The following SLC25A48 variants were observed in gnomAD, a reference collection of about 807,000 sequenced individuals.
The protein encoded by SLC25A48 is solute carrier family 25 member 48.
In SLC25A48, 29 loss-of-function variants were observed where a neutral mutation model predicts 32.2. That is an observed-to-expected ratio of 0.90 (90% confidence interval 0.67 to 1.23). The LOEUF is 1.23. Ranked by LOEUF, SLC25A48 falls within the 50% of genes most tolerant of loss-of-function variation. SLC25A48 has a pLI of 0.00. For missense variants in SLC25A48, 399 were observed against 422.7 expected (o/e 0.94, Z 0.49); for synonymous variants, 164 against 172.3 (o/e 0.95, Z 0.38).
At chr5:135,619,957 G>A (rs1483330762) in intron 1 of SLC25A48, among the ~76,000 whole-genome samples, 1 of 152,164 alleles carries the variant, frequency 6.6e-6, no homozygotes, top group Non-Finnish European at 1.5e-5. Context: ...GTCCAGGCAG[G>A]CCCATTCTTG....
At chr5:135,814,235 G>T (rs1306284188) in intron 4 of SLC25A48, among the ~76,000 whole-genome samples, 5 of 152,098 alleles carry the variant, frequency 3.3e-5, no homozygotes, top group African/African-American at 1.2e-4. Flanking sequence ...TCCATCCTTT[G>T]GCTGCCTCTG....
chr5:135,609,904 G>T (rs1359712421), intron 1 of SLC25A48, among the ~76,000 whole-genome samples: 1 of 152,192 alleles, frequency 6.6e-6, no homozygotes, highest in Admixed American at 6.5e-5. Context: ...GTGAAAAAGA[G>T]ACTCACTTTT....
At position 135,742,323 on chromosome 5, in the gene SLC25A48, T is replaced by C. The variant is rs149968344; in HGVS notation, c.-520-70200T>C. The C allele has an allele frequency of 6.9e-4, 376 of 545,974 alleles. 2 individuals are homozygous for C. The highest frequency in any genetic ancestry group is 6.8e-3 in the African/African-American group (347 of 50,698). 33.8% of individuals were successfully genotyped at this position (545,974 alleles called of 1,614,324 possible). A position where few individuals can be genotyped will look rare whatever the true frequency, so the allele number is the denominator to read the frequency against. ...CTCAAACTCCTGGCCTCAAGTGATC[T>C]GCCCGCCTTGGCCTCCCACAGTGCT... On this transcript the variant is annotated intron_variant, in intron 3 of 10. Transcript: ENST00000646290.
rs529647359 is a variant in SLC25A48 at position 135,825,122 on chromosome 5, A to G, written c.-117+12196A>G. 2.0e-5 allele frequency: 3 copies of G among 152,334 alleles called. No individual in the cohort carries two copies. In the East Asian group the frequency reaches 5.8e-4, roughly 29 times the overall value. 9.4% of individuals were successfully genotyped at this position (152,334 alleles called of 1,614,324 possible). ...GAATTACATACAACCACGTACCTAA[A>G]GTGCTCAGCAGGATGGTGAGCTCAC... On this transcript the variant is annotated intron_variant, in intron 4 of 10. Transcript: ENST00000646290.
At chr5:135,820,453 T>G (rs1325963098) in intron 4 of SLC25A48, among the ~76,000 whole-genome samples, 1 of 152,194 alleles carries the variant, frequency 6.6e-6, no homozygotes, top group Non-Finnish European at 1.5e-5. Flanking sequence ...AATTCAGAGG[T>G]TGTTATTTGG....
intron 3 of SLC25A48, among the ~76,000 whole-genome samples, chr5:135,723,441 G>T (rs374074033): frequency 6.9e-6 from 1 of 145,252 alleles, no homozygotes; most frequent in African/African-American, 2.5e-5. Context: ...CTCTAGGGAC[G>T]TCTGAGGTAC....
At chr5:135,688,092 T>A (rs13170246) in intron 3 of SLC25A48, among the ~76,000 whole-genome samples, 4 of 134,128 alleles carry the variant, frequency 3.0e-5, no homozygotes, top group African/African-American at 1.3e-4. Flanking sequence ...TGATTTTCAC[T>A]ACTCTAAGTA....
At chr5:135,719,756 C>T (rs909725570) in intron 3 of SLC25A48, among the ~76,000 whole-genome samples, 1 of 152,110 alleles carries the variant, frequency 6.6e-6, no homozygotes, top group Non-Finnish European at 1.5e-5. Context: ...AGAAGGGGCT[C>T]GGATCAGCAT....
chr5:135,854,245 C>A (rs566046862), intron 4 of SLC25A48, among the ~76,000 whole-genome samples: 2 of 152,318 alleles, frequency 1.3e-5, no homozygotes, highest in East Asian at 3.9e-4. Flanking sequence ...CTTAAAGTCA[C>A]CAGCTGCATT....
chr5:135,857,121 A>T (rs956703586), intron 4 of SLC25A48, among the ~76,000 whole-genome samples: 1 of 152,236 alleles, frequency 6.6e-6, no homozygotes, highest in African/African-American at 2.4e-5. Context: ...GTGTTTCCCA[A>T]TAAATACTTT....
intron 3 of SLC25A48, among the ~76,000 whole-genome samples, chr5:135,693,862 G>T (rs779686727): frequency 6.6e-6 from 1 of 152,258 alleles, no homozygotes; most frequent in African/African-American, 2.4e-5. Context: ...GCGAAGGCGT[G>T]TGGGGCGATG....
chr5:135,855,437 T>G (rs1486617999), intron 4 of SLC25A48, among the ~76,000 whole-genome samples: 1 of 152,220 alleles, frequency 6.6e-6, no homozygotes, highest in Non-Finnish European at 1.5e-5. Context: ...TAATTCATCT[T>G]GTAACAATTC....
At chr5:135,681,941 C>T (rs1241488281) in intron 3 of SLC25A48, among the ~76,000 whole-genome samples, 1 of 151,958 alleles carries the variant, frequency 6.6e-6, no homozygotes, top group Admixed American at 6.5e-5. Flanking sequence ...TTTATGTGTT[C>T]CTTTTGGGTG....
At chr5:135,774,927 A>G (rs988815834) in intron 3 of SLC25A48, among the ~76,000 whole-genome samples, 3 of 151,572 alleles carry the variant, frequency 2.0e-5, no homozygotes, top group Non-Finnish European at 3.0e-5. Context: ...CTAATTCCAG[A>G]TGGGAAGAGG....
chr5:135,723,380 T>TCACACACACACACACACACA (rs138387748), intron 3 of SLC25A48, among the ~76,000 whole-genome samples: 3,802 of 111,542 alleles, frequency 0.034, 123 homozygotes, highest in South Asian at 0.049. Flanking sequence ...TCTCTCTCTC[T>TCACACACACACACACACACA]CACACACACA....
intron 3 of SLC25A48, among the ~76,000 whole-genome samples, chr5:135,767,058 C>T (rs1756254044): frequency 6.6e-6 from 1 of 151,658 alleles, no homozygotes; most frequent in Non-Finnish European, 1.5e-5. Context: ...TGATATTGTT[C>T]ATAATATCCA....
rs1023667984 is a variant in SLC25A48 at position 135,698,805 on chromosome 5, A to C, written c.-521+63849A>C. On this transcript the variant is annotated intron_variant, in intron 3 of 10. Coordinates refer to the SLC25A48 transcript ENST00000646290. ...ATATTTGAAATACATACATCTGATC[A>C]AGGAATTATATCCAGAATATATATT... is the stretch of plus-strand genomic sequence containing the variant. Among the ~76,000 whole-genome samples the C allele has an allele frequency of 8.5e-5, 13 of 152,242 alleles. 1 individual carries two copies. Among genetic ancestry groups the C allele is most frequent in the African/African-American group, 3.1e-4 (13 of 41,468 alleles).
At chr5:135,682,343 C>A (rs542393297) in intron 3 of SLC25A48, among the ~76,000 whole-genome samples, 3 of 152,210 alleles carry the variant, frequency 2.0e-5, no homozygotes, top group East Asian at 3.9e-4. Context: ...AATCTAATTC[C>A]TCTTACTCAT....
intron 3 of SLC25A48, among the ~76,000 whole-genome samples, chr5:135,657,242 T>C (rs1753272957): frequency 6.6e-6 from 1 of 152,164 alleles, no homozygotes; most frequent in African/African-American, 2.4e-5. Context: ...CAGGGCCAGA[T>C]AGAGTTTAGA....
Sources: gnomAD v4.1 joint callset for allele counts (sites outside exome capture counted in the v4.1 genomes callset) on GRCh38, gnomAD v4.1.1 for gene constraint, MANE v1.5 for transcripts, NCBI Gene and HGNC (gene_info 2026-07-23, HGNC 2026-07-21) for gene names.